VPS9D1: variants seen among roughly 807,000 people sequenced by gnomAD.
VPS9D1 encodes VPS9 domain containing 1.
In VPS9D1, 78 loss-of-function variants were observed where a neutral mutation model predicts 75.8. The ratio of observed to expected loss-of-function variants is 1.03; its 90% CI spans 0.86 to 1.24. VPS9D1 has a LOEUF of 1.24. VPS9D1 is among the 50% of genes most tolerant of loss of function. VPS9D1 has a pLI of 0.00. For synonymous variants in VPS9D1, 481 were observed against 385.6 expected (o/e 1.25, Z -2.90); for missense variants, 1,057 against 847.7 (o/e 1.25, Z -3.07).
intron 2 of VPS9D1, chr16:89,717,793 C>T (rs1456048235): frequency 6.6e-6 from 3 of 456,530 alleles, no homozygotes; most frequent in African/African-American, 2.0e-5. Flanking sequence ...CCGAGCTCAC[C>T]GGCTCCCTAG....
intron 13 of VPS9D1, 73 bp from the exon 14 acceptor site, chr16:89,708,604 C>A: frequency 6.8e-7 from 1 of 1,474,710 alleles, no homozygotes; most frequent in Non-Finnish European, 9.3e-7. Context: ...AGCTGTGGAG[C>A]CATCCTGGCC....
intron 12 of VPS9D1, 129 bp from the exon 13 acceptor site, chr16:89,709,085 T>A: frequency 3.1e-6 from 4 of 1,279,794 alleles, no homozygotes; most frequent in Non-Finnish European, 4.2e-6. Context: ...CCTGGCGATG[T>A]TGCTCAGACA....
rs1335441736 is a variant in VPS9D1, at chr16:89,710,708, G to C, written c.1136C>G (p.Ser379Trp). 6.2e-7 allele frequency: 1 copy of C among 1,606,182 alleles called. No individual in the cohort carries two copies. Among genetic ancestry groups the C allele is most frequent in the Non-Finnish European group, 8.5e-7 (1 of 1,177,002 alleles). ...CAGGAACTGCTCCAGGTCCTCGAACGAGCTGTCCTTGTCTGGCAATCCAGA... is the reference window on the plus strand; with the variant it reads ...CAGGAACTGCTCCAGGTCCTCGAACCAGCTGTCCTTGTCTGGCAATCCAGA... ...TASGLPDKDS[S>W]FEDLEQFLGT... The change falls in exon 10 of 15, where the codon TCG (serine) becomes TGG (tryptophan). Residue 379 changes from serine to tryptophan, a missense_variant. By Grantham distance (177) the Ser-to-Trp change is radical. Transcript: ENST00000389386.
At position 89,712,519 on chromosome 16, in the gene VPS9D1, G is replaced by C. The variant is rs776055403; in HGVS notation, c.547C>G (p.Leu183Val). 5.6e-6 allele frequency: 9 copies of C among 1,612,022 alleles called. No homozygotes were observed. The highest frequency in any genetic ancestry group is 1.3e-5 in the African/African-American group (1 of 74,296). Residue 183 changes from leucine to valine, a missense_variant, in exon 6 of 15, where the codon CTC (leucine) becomes GTC (valine). Coordinates refer to ENST00000389386, the MANE Select transcript of VPS9D1 (RefSeq NM_004913.3). Reference sequence around the variant, plus strand: ...TCCATCATCTGCCGCTGTAGAGAGAGGGTCTGGGGGGGGAGGAGGGAGTAA... The same window carrying C: ...TCCATCATCTGCCGCTGTAGAGAGACGGTCTGGGGGGGGAGGAGGGAGTAA... ...SQAMQKTSLT[L>V]SLQRQMMENL... is the part of the protein sequence containing the mutation.
Position 89,716,723 on chromosome 16 carries a change from G to A in VPS9D1, c.268+7C>T, listed in dbSNP as rs752361089. The A allele has an allele frequency of 6.3e-7, 1 of 1,589,420 alleles. No individual in the cohort carries two copies. The highest frequency in any genetic ancestry group is 1.4e-5 in the African/African-American group (1 of 73,762). ...CCCAGGAGAGCCGCCTACTGCAGGA[G>A]ACCCACCAAGCTTGGCGGCCGTCGA... On this transcript the variant is annotated splice_region_variant and intron_variant, in intron 3 of 14. Coordinates refer to ENST00000389386, the MANE Select transcript of VPS9D1 (RefSeq NM_004913.3).
chr16:89,716,398 C>T (rs942800530), intron 4 of VPS9D1, 64 bp downstream of exon 4: 4 of 1,600,568 alleles, frequency 2.5e-6, no homozygotes, highest in East Asian at 2.2e-5. Context: ...GTCATCAGCT[C>T]ATCTTTCTCA....
In VPS9D1 at chr16:89,711,270, G is replaced by A. The variant is rs995862151; in HGVS notation, c.833+57C>T. The stretch of plus-strand genomic sequence containing the variant: ...GCCCCTCTCCGGCACCTGGCACCAG[G>A]CAGAGGTGCCCAAGGCCGGTGCGCA... On this transcript the variant is annotated intron_variant, in intron 9 of 14. Transcript: ENST00000389386. 5 of 1,520,708 alleles carry A rather than the reference G, an allele frequency of 3.3e-6. No individual in the cohort carries two copies. The African/African-American group carries it at 5.5e-5, about 17-fold the overall frequency. The allele number at this position is 1,520,708 out of a possible 1,614,324, so 94.2% of individuals were successfully genotyped here.
chr16:89,711,492 C>G, intron 8 of VPS9D1, 80 bp from the exon 9 acceptor site: 1 of 1,366,906 alleles, frequency 7.3e-7, no homozygotes, highest in African/African-American at 1.5e-5. Flanking sequence ...CAGTGCCGAC[C>G]CCTAGAGACT....
At chr16:89,715,834 G>A (rs1298624945) in intron 4 of VPS9D1, among the ~76,000 whole-genome samples, 4 of 151,862 alleles carry the variant, frequency 2.6e-5, no homozygotes, top group Non-Finnish European at 5.9e-5. Flanking sequence ...ACACCACCAC[G>A]GCCAGCTAAT....
intron 12 of VPS9D1, 64 bp from the exon 13 acceptor site, chr16:89,709,020 A>ACCCCCCCCCCCCCCCCCCCCCCCCCCCC: frequency 8.6e-6 from 11 of 1,277,898 alleles, no homozygotes; most frequent in South Asian, 5.4e-5. Context: ...CACCCCTTAT[A>ACCCCCCCCCCCCCCCCCCCCCCCCCCCC]CCCCGCCCAC....
At chr16:89,718,905 G>C in intron 2 of VPS9D1, 122 bp downstream of exon 2, 1 of 786,240 alleles carries the variant, frequency 1.3e-6, no homozygotes. Flanking sequence ...AGTAGAGACG[G>C]GGTTTCACCA....
chr16:89,708,368 G>A, intron 14 of VPS9D1, 59 bp downstream of exon 14: 2 of 1,494,140 alleles, frequency 1.3e-6, no homozygotes, highest in Non-Finnish European at 1.8e-6. Context: ...CGTTTAGGTT[G>A]AGGGATGAGG....
In VPS9D1 at chr16:89,720,614, G is replaced by A. The variant is rs141038007; in HGVS notation, c.99+149C>T. 43 of 1,221,800 alleles carry A rather than the reference G, an allele frequency of 3.5e-5. No individual in the cohort carries two copies. The East Asian group carries it at 1.1e-3, about 31-fold the overall frequency. 75.7% of individuals were successfully genotyped at this position (1,221,800 alleles called of 1,614,324 possible). A position where few individuals can be genotyped will look rare whatever the true frequency, so the allele number is the denominator to read the frequency against. On this transcript the variant is annotated intron_variant, in intron 1 of 14. Coordinates refer to ENST00000389386, the MANE Select transcript of VPS9D1 (RefSeq NM_004913.3). ...GCACGCCCGGCTGCGCCCCGCCCCC[G>A]TCCTCGCCCGGGAACCGCGGCCCGG... is the stretch of plus-strand genomic sequence containing the variant.
chr16:89,709,886 G>T lies in VPS9D1; in HGVS notation c.1279C>A (p.Leu427Ile), dbSNP rs750841909. ...GTGTTTAGGCCTTCGAAGGCCAGAA[G>T]GGTCAGCGAGAGCAGCCTGTCTGCT... The part of the protein sequence containing the change: ...NAVDRLLSLT[L>I]LAFEGLNTAA... The change falls in exon 11 of 15, where the codon CTT (leucine) becomes ATT (isoleucine). Residue 427 changes from leucine (L) to isoleucine (I), a missense_variant. Leu to Ile is a conservative substitution (Grantham distance 5). Transcript: ENST00000389386. The T allele has an allele frequency of 3.1e-6, 5 of 1,611,986 alleles. No individual in the cohort carries two copies. Among genetic ancestry groups the T allele is most frequent in the Non-Finnish European group, 4.2e-6 (5 of 1,179,002 alleles).
chr16:89,720,765 G>T lies in VPS9D1; in HGVS notation c.97C>A (p.Arg33=). The T allele has an allele frequency of 6.9e-7, 1 of 1,448,720 alleles. No individual in the cohort carries two copies. The highest frequency in any genetic ancestry group is 2.5e-5 in the Admixed American group (1 of 40,468). 89.7% of individuals were successfully genotyped at this position (1,448,720 alleles called of 1,614,324 possible). ...GCCCCGCCCCCGCCCCGCCTCACCCGGGGCCGGTTGCCGGTGTCCAGCTCG... is the reference window on the plus strand; with the variant it reads ...GCCCCGCCCCCGCCCCGCCTCACCCTGGGCCGGTTGCCGGTGTCCAGCTCG... ...AIELDTGNRP[R]EAYTEYLRSI... Residue 33 remains arginine, a splice_region_variant and synonymous_variant, in exon 1 of 15, where the codon CGG becomes AGG. Coordinates refer to ENST00000389386, the MANE Select transcript of VPS9D1 (RefSeq NM_004913.3).
chr16:89,719,487 T>G (rs1452692150), intron 1 of VPS9D1: 1 of 397,600 alleles, frequency 2.5e-6, no homozygotes, highest in African/African-American at 2.1e-5. Context: ...GTTTCCTTCT[T>G]GTGCAACTCA....
chr16:89,710,147 A>C (rs2151621907), intron 10 of VPS9D1, among the ~76,000 whole-genome samples: 1 of 152,296 alleles, frequency 6.6e-6, no homozygotes, highest in South Asian at 2.1e-4. Context: ...TCCTTTTCTC[A>C]AAAGGGGCTT....
At chr16:89,720,188 C>T (rs1341816390) in intron 1 of VPS9D1, among the ~76,000 whole-genome samples, 1 of 152,208 alleles carries the variant, frequency 6.6e-6, no homozygotes, top group African/African-American at 2.4e-5. Context: ...CGAGGCTTCT[C>T]CTAGGCACAG....
chr16:89,709,730 C>G (rs761541101), intron 11 of VPS9D1, 47 bp downstream of exon 11: 1 of 1,611,936 alleles, frequency 6.2e-7, no homozygotes, highest in Non-Finnish European at 8.5e-7. Context: ...GGGGACTGGG[C>G]TGGAAGACAC....
Sources: allele counts gnomAD v4.1 joint callset (sites outside exome capture counted in the v4.1 genomes callset), GRCh38; gene constraint gnomAD v4.1.1; transcripts MANE v1.5; gene names NCBI Gene and HGNC (gene_info 2026-07-23, HGNC 2026-07-21).